The following MREG variants were observed in gnomAD, a reference collection of about 807,000 sequenced individuals.
MREG encodes dilute suppressor protein homolog.
In MREG, 31 loss-of-function variants were observed where a neutral mutation model predicts 28.5. The observed-to-expected ratio is 1.09, with a 90% CI of 0.82 to 1.47. MREG has a LOEUF of 1.47. MREG is among the 40% of genes most tolerant of loss of function. The pLI is 0.00. For missense variants in MREG, 256 were observed against 257.4 expected (o/e 0.99, Z 0.04); for synonymous variants, 106 against 95.2 (o/e 1.11, Z -0.66).
chr2:215,995,866 T>C (rs966077981), intron 2 of MREG, among the ~76,000 whole-genome samples: 1 of 137,792 alleles, frequency 7.3e-6, no homozygotes, highest in African/African-American at 2.7e-5. Context: ...ATGCATAATT[T>C]AAGGACCTTT....
intron 2 of MREG, among the ~76,000 whole-genome samples, chr2:215,995,461 A>G (rs1693842451): frequency 6.6e-6 from 1 of 152,072 alleles, no homozygotes; most frequent in South Asian, 2.1e-4. Flanking sequence ...AAAAATAAAG[A>G]AACCTCGTTA....
At chr2:215,945,372 T>C (rs1021843220) in intron 4 of MREG, among the ~76,000 whole-genome samples, 199 bp downstream of exon 4, 2 of 152,178 alleles carry the variant, frequency 1.3e-5, no homozygotes, top group African/African-American at 4.8e-5. Context: ...CTACGTGTGA[T>C]ACAGAAATCT....
At position 215,943,554 on chromosome 2, in the gene MREG, G is replaced by A; in HGVS notation, c.*1309C>T. On this transcript the variant is annotated 3_prime_UTR_variant, in exon 5 of 5. Coordinates refer to ENST00000263268, the MANE Select transcript of MREG (RefSeq NM_018000.3). The stretch of plus-strand genomic sequence containing the variant: ...GATGCTATTCCAGATAAAATGCCAA[G>A]GGCTTGGCCGGGCGCGGTGACTCAC... 1 of 454,364 alleles carries A rather than the reference G, an allele frequency of 2.2e-6. No individual in the cohort carries two copies. Among genetic ancestry groups the A allele is most frequent in the South Asian group, 1.6e-5 (1 of 64,244 alleles). The allele number at this position is 454,364 out of a possible 1,614,324, so 28.1% of individuals were successfully genotyped here.
chr2:215,996,057 T>C (rs887125065), intron 2 of MREG, among the ~76,000 whole-genome samples: 3 of 152,198 alleles, frequency 2.0e-5, no homozygotes, highest in Non-Finnish European at 4.4e-5. Context: ...TTCAACAGCA[T>C]TGCCTTGCGT....
At chr2:215,941,429 G>A (rs1248255707), downstream of MREG, among the ~76,000 whole-genome samples, 1 of 152,148 alleles carries the variant, frequency 6.6e-6, no homozygotes, top group Non-Finnish European at 1.5e-5. Context: ...ACTCCAAAAG[G>A]TGGACTGTAG....
upstream of MREG, chr2:216,034,044 A>T (rs1477922691): frequency 1.3e-5 from 2 of 152,170 alleles, no homozygotes; most frequent in African/African-American, 4.8e-5. Context: ...AAATCCTTGT[A>T]AACAAGGAGT....
At position 215,943,745 on chromosome 2, in the gene MREG, G is replaced by A; in HGVS notation, c.*1118C>T. On this transcript the variant is annotated 3_prime_UTR_variant, in exon 5 of 5. Coordinates refer to ENST00000263268, the MANE Select transcript of MREG (RefSeq NM_018000.3). Reference sequence around the variant, plus strand: ...AGTTCCAGCTACTCCAGAGGCTGAGGCAGGGGAATCACTTGAAACCGGAAG... The same window carrying A: ...AGTTCCAGCTACTCCAGAGGCTGAGACAGGGGAATCACTTGAAACCGGAAG... 1 of 271,506 alleles carries A rather than the reference G, an allele frequency of 3.7e-6. No individual in the cohort carries two copies. The highest frequency in any genetic ancestry group is 2.3e-5 in the African/African-American group (1 of 43,980). The allele number at this position is 271,506 out of a possible 1,614,324, so 16.8% of individuals were successfully genotyped here. A position where few individuals can be genotyped will look rare whatever the true frequency, so the allele number is the denominator to read the frequency against.
chr2:215,949,855 C>T (rs80112069), intron 2 of MREG, among the ~76,000 whole-genome samples: 1 of 152,292 alleles, frequency 6.6e-6, no homozygotes. Flanking sequence ...TTTCTGGCTA[C>T]TTGTTATGAC....
At chr2:216,028,253 C>T (rs1397772300) in intron 1 of MREG, among the ~76,000 whole-genome samples, 4 of 152,224 alleles carry the variant, frequency 2.6e-5, no homozygotes, top group East Asian at 3.9e-4. Flanking sequence ...CGGTGGCTCA[C>T]GCCTGTAATC....
intron 2 of MREG, among the ~76,000 whole-genome samples, chr2:215,974,253 G>A (rs1314751112): frequency 6.6e-6 from 1 of 152,116 alleles, no homozygotes; most frequent in Non-Finnish European, 1.5e-5. Flanking sequence ...CGGGGACCTG[G>A]CACCCAAAGG....
intron 2 of MREG, among the ~76,000 whole-genome samples, chr2:215,981,648 T>A (rs1367927349): frequency 5.9e-5 from 9 of 152,048 alleles, no homozygotes; most frequent in Admixed American, 5.9e-4. Context: ...AGAGGAAATT[T>A]TTGTTATATA....
chr2:215,966,601 CT>C (rs1052642780), intron 2 of MREG, among the ~76,000 whole-genome samples: 2,773 of 136,606 alleles, frequency 0.02, 38 homozygotes, highest in East Asian at 0.091. Context: ...AACATTTTCC[CT>C]TTTTTTTTTT....
At chr2:215,992,087 CA>C (rs1693734990) in intron 2 of MREG, among the ~76,000 whole-genome samples, 1 of 151,940 alleles carries the variant, frequency 6.6e-6, no homozygotes, top group Non-Finnish European at 1.5e-5. Flanking sequence ...GGCAGAGACA[CA>C]ACAAAAAAAG....
chr2:215,963,475 T>C (rs1394609374), intron 2 of MREG, among the ~76,000 whole-genome samples: 2 of 149,408 alleles, frequency 1.3e-5, no homozygotes, highest in Non-Finnish European at 2.9e-5. Flanking sequence ...AGAGTTTTTA[T>C]ATTGATTACG....
At chr2:215,994,676 C>T (rs1294810576) in intron 2 of MREG, among the ~76,000 whole-genome samples, 1 of 149,522 alleles carries the variant, frequency 6.7e-6, no homozygotes, top group African/African-American at 2.5e-5. Context: ...TCACACCAAG[C>T]CCAAGGACCA....
At chr2:216,026,414 G>GGAGTGC (rs1156903860) in intron 1 of MREG, among the ~76,000 whole-genome samples, 2 of 152,104 alleles carry the variant, frequency 1.3e-5, no homozygotes, top group African/African-American at 4.8e-5. Flanking sequence ...TGCCCAGGCT[G>GGAGTGC]GAGTGCAGTG....
upstream of MREG, among the ~76,000 whole-genome samples, chr2:216,033,460 G>A (rs1213777295): frequency 6.6e-6 from 1 of 152,060 alleles, no homozygotes; most frequent in Non-Finnish European, 1.5e-5. Context: ...TGTACTTCAT[G>A]GAAAGAGAGA....
chr2:216,006,770 A>G (rs1230583059), intron 1 of MREG, among the ~76,000 whole-genome samples: 1 of 152,012 alleles, frequency 6.6e-6, no homozygotes, highest in Non-Finnish European at 1.5e-5. Context: ...AAAATGAAAA[A>G]CCCTACAAAT....
intron 2 of MREG, among the ~76,000 whole-genome samples, chr2:215,994,507 C>G (rs1322487969): frequency 1.3e-5 from 2 of 151,372 alleles, no homozygotes; most frequent in East Asian, 1.9e-4. Context: ...ACGTGTATAC[C>G]TATGTAACCT....
Sources: gnomAD v4.1 joint callset for allele counts (sites outside exome capture counted in the v4.1 genomes callset) on GRCh38, gnomAD v4.1.1 for gene constraint, MANE v1.5 for transcripts, NCBI Gene and HGNC (gene_info 2026-07-23, HGNC 2026-07-21) for gene names.